Variants in LRP1B observed in about 807,000 individuals in gnomAD.
LRP1B encodes LDL receptor related protein 1B, also known as low-density lipoprotein receptor-related protein 1B.
LRP1B carries 217 observed loss-of-function variants against 556.6 expected under a neutral mutation model. That is an observed-to-expected ratio of 0.39 (90% confidence interval 0.35 to 0.44). The LOEUF (loss-of-function observed/expected upper bound fraction) is 0.44. Among genes scored for constraint, LRP1B ranks in the 20% least tolerant of loss-of-function variants. LRP1B has a pLI of 1.00. For synonymous variants in LRP1B, 2,047 were observed against 1,865.8 expected, an observed-to-expected ratio of 1.10 and a Z score of -2.50; for missense variants, 5,053 against 5,620.8, an observed-to-expected ratio of 0.90 and a Z score of 3.23.
At chr2:141,358,630 T>C (rs1688711503) in intron 3 of LRP1B, among the ~76,000 whole-genome samples, 3 of 152,212 alleles carry the variant, frequency 2.0e-5, no homozygotes, top group Non-Finnish European at 1.5e-5. Flanking sequence ...ATGTTTCTAG[T>C]AGATTGTTAG....
At chr2:140,668,838 T>A (rs1407896129) in intron 41 of LRP1B, among the ~76,000 whole-genome samples, 1 of 151,364 alleles carries the variant, frequency 6.6e-6, no homozygotes, top group African/African-American at 2.4e-5. Flanking sequence ...CAAAGAAAAA[T>A]AAAAAATATG....
chr2:141,890,371 A>T (rs78013202), intron 1 of LRP1B, among the ~76,000 whole-genome samples: 1 of 131,632 alleles, frequency 7.6e-6, no homozygotes. Flanking sequence ...ATATATATAT[A>T]TAGTGTGTAT....
At chr2:141,158,836 A>G (rs915733418) in intron 7 of LRP1B, among the ~76,000 whole-genome samples, 1 of 152,166 alleles carries the variant, frequency 6.6e-6, no homozygotes, top group Non-Finnish European at 1.5e-5. Context: ...AGATTATAAA[A>G]TAACAACAAC....
chr2:141,694,505 G>T (rs1209044634), intron 2 of LRP1B, among the ~76,000 whole-genome samples: 1 of 151,916 alleles, frequency 6.6e-6, no homozygotes, highest in Non-Finnish European at 1.5e-5. Flanking sequence ...TATCGATAGG[G>T]AAATTAAATC....
chr2:141,339,036 C>T (rs1559015447), intron 3 of LRP1B, among the ~76,000 whole-genome samples: 2 of 151,996 alleles, frequency 1.3e-5, no homozygotes, highest in Middle Eastern at 6.8e-3. Context: ...ATGTGTTTCT[C>T]CTCCCTACTT....
chr2:141,054,724 T>C (rs779517048), intron 10 of LRP1B, among the ~76,000 whole-genome samples: 5 of 151,990 alleles, frequency 3.3e-5, no homozygotes, highest in Admixed American at 6.6e-5. Flanking sequence ...AGCCTGACTA[T>C]ACATGGATTT....
chr2:141,607,241 G>C (rs564777693), intron 2 of LRP1B, among the ~76,000 whole-genome samples: 9 of 151,830 alleles, frequency 5.9e-5, no homozygotes, highest in African/African-American at 2.2e-4. Flanking sequence ...CTCTGGATTA[G>C]GAGTGATACA....
At chr2:142,120,904 C>T (rs750998401) in intron 1 of LRP1B, among the ~76,000 whole-genome samples, 5 of 151,996 alleles carry the variant, frequency 3.3e-5, no homozygotes, top group African/African-American at 1.2e-4. Context: ...TTGTAGGGCC[C>T]ACATATGACC....
intron 2 of LRP1B, among the ~76,000 whole-genome samples, chr2:141,481,634 C>T (rs1682921721): frequency 6.6e-6 from 1 of 152,132 alleles, no homozygotes; most frequent in Non-Finnish European, 1.5e-5. Flanking sequence ...GACTACAAAG[C>T]GCTGAGCACT....
At position 140,341,274 on chromosome 2, in the gene LRP1B, T is replaced by C. The variant is rs1681376391; in HGVS notation, c.11893-5436A>G. Among the ~76,000 whole-genome samples, 3 of 151,702 alleles carry C rather than the reference T, an allele frequency of 2.0e-5. No homozygotes were observed. In the South Asian group the frequency reaches 6.2e-4, roughly 31 times the overall value. ...TAGATCATTTTCTTGCCAGCTTCATTATAATTTTCTAGCATTTTATTACTC... is the reference window on the plus strand; with the variant it reads ...TAGATCATTTTCTTGCCAGCTTCATCATAATTTTCTAGCATTTTATTACTC... On this transcript the variant is annotated intron_variant, in intron 77 of 90. Transcript: ENST00000389484.
At chr2:141,828,910 G>A (rs938557960) in intron 1 of LRP1B, among the ~76,000 whole-genome samples, 3 of 151,950 alleles carry the variant, frequency 2.0e-5, no homozygotes, top group Admixed American at 6.6e-5. Context: ...TGGTAAGAGC[G>A]TTGATTCAGT....
chr2:141,632,869 C>CAAA (rs55807294), intron 2 of LRP1B, among the ~76,000 whole-genome samples: 5 of 133,212 alleles, frequency 3.8e-5, no homozygotes, highest in African/African-American at 1.1e-4. Flanking sequence ...CTACAAGAAC[C>CAAA]AAAAAAAAAA....
intron 2 of LRP1B, among the ~76,000 whole-genome samples, chr2:141,496,719 A>G (rs1485033710): frequency 6.6e-6 from 1 of 152,000 alleles, no homozygotes; most frequent in Non-Finnish European, 1.5e-5. Flanking sequence ...AATCTTCTAA[A>G]CACTACATAG....
intron 1 of LRP1B, among the ~76,000 whole-genome samples, chr2:141,964,592 A>G (rs1430933108): frequency 1.3e-5 from 2 of 152,002 alleles, no homozygotes; most frequent in African/African-American, 4.8e-5. Context: ...ACAAAAATCA[A>G]TTCAAGATGG....
chr2:140,922,900 G>T, intron 21 of LRP1B, 65 bp downstream of exon 21: 1 of 1,398,056 alleles, frequency 7.2e-7, no homozygotes, highest in South Asian at 1.3e-5. Flanking sequence ...TACAGATTCA[G>T]CCTGAGCCAA....
At chr2:142,127,682 G>C (rs910898067) in intron 1 of LRP1B, among the ~76,000 whole-genome samples, 6 of 151,892 alleles carry the variant, frequency 4.0e-5, no homozygotes, top group African/African-American at 1.4e-4. Context: ...TCTTCTTTGA[G>C]GGGAGATTAA....
rs567823856 is a variant in LRP1B, at chr2:140,948,141, C to A, written c.3136+2094G>T. On this transcript the variant is annotated intron_variant, in intron 20 of 90. Coordinates refer to ENST00000389484, the MANE Select transcript of LRP1B (RefSeq NM_018557.3). ...TTAAACTTAGTGATAAATGCACATGCAAGAGAAGGATGTGAGCTCACATCT... is the reference window on the plus strand; with the variant it reads ...TTAAACTTAGTGATAAATGCACATGAAAGAGAAGGATGTGAGCTCACATCT... 9.2e-5 allele frequency among the ~76,000 whole-genome samples: 14 copies of A among 152,096 alleles called. No homozygotes were observed. In the South Asian group the frequency reaches 2.9e-3, roughly 32 times the overall value.
Position 140,487,539 on chromosome 2 carries a change from C to A in LRP1B, c.9243+78G>T. ...TGCATTTTATGAGTAATATCATGGT[C>A]ATAAAATAACATTTTCTATACAATT... is the stretch of plus-strand genomic sequence containing the variant. On this transcript the variant is annotated intron_variant, in intron 58 of 90. Transcript: ENST00000389484. 3.6e-6 allele frequency: 5 copies of A among 1,379,500 alleles called. No homozygotes were observed. In the South Asian group the frequency reaches 4.9e-5, roughly 13 times the overall value. The allele number at this position is 1,379,500 out of a possible 1,614,324, so 85.5% of individuals were successfully genotyped here. A position where few individuals can be genotyped will look rare whatever the true frequency, so the allele number is the denominator to read the frequency against.
chr2:140,461,439 A>G (rs1687315128), intron 60 of LRP1B, among the ~76,000 whole-genome samples: 1 of 152,134 alleles, frequency 6.6e-6, no homozygotes, highest in African/African-American at 2.4e-5. Flanking sequence ...TAGTAATACT[A>G]TCTTATTTTC....
Sources: allele counts gnomAD v4.1 joint callset (sites outside exome capture counted in the v4.1 genomes callset), GRCh38; gene constraint gnomAD v4.1.1; transcripts MANE v1.5; gene names NCBI Gene and HGNC (gene_info 2026-07-23, HGNC 2026-07-21).